The following MIS18A variants were observed in gnomAD, a reference collection of about 807,000 sequenced individuals.
The protein encoded by MIS18A is protein Mis18-alpha.
In MIS18A, 14 loss-of-function variants were observed where a neutral mutation model predicts 25.0. The observed-to-expected ratio is 0.56, with a 90% CI of 0.37 to 0.88. The LOEUF (loss-of-function observed/expected upper bound fraction) is 0.88, where lower values mean the gene tolerates loss of function less well. Ranked by LOEUF, MIS18A falls within the 40% of genes least tolerant of loss-of-function variation. The probability of loss-of-function intolerance (pLI) is 0.00; values close to 1 mark genes in which losing one functional copy is unlikely to be tolerated. For synonymous variants in MIS18A, 134 were observed against 118.6 expected, an observed-to-expected ratio of 1.13 and a Z score of -0.84; for missense variants, 292 against 290.8, an observed-to-expected ratio of 1.00 and a Z score of -0.03.
the MIS18A span, among the ~76,000 whole-genome samples, chr21:32,159,474 T>C: frequency 6.6e-6 from 1 of 152,272 alleles, no homozygotes; most frequent in Non-Finnish European, 1.5e-5. Flanking sequence ...AAAATCATTT[T>C]GTCTTGGTCT....
At chr21:32,214,305 G>T in the MIS18A span, among the ~76,000 whole-genome samples, 3 of 152,174 alleles carry the variant, frequency 2.0e-5, no homozygotes, top group East Asian at 5.8e-4. Context: ...CTTGGCAGTT[G>T]GTGGGGTCTC....
chr21:32,172,565 C>A, the MIS18A span, among the ~76,000 whole-genome samples: 2 of 145,802 alleles, frequency 1.4e-5, no homozygotes, highest in African/African-American at 5.1e-5. Flanking sequence ...ATCCCAGATG[C>A]GTTTTTTTTC....
the MIS18A span, among the ~76,000 whole-genome samples, chr21:32,179,697 A>T: frequency 1.3e-5 from 2 of 152,242 alleles, no homozygotes; most frequent in Non-Finnish European, 2.9e-5. Context: ...ATTTTATTGA[A>T]AAGGAAATAC....
the MIS18A span, among the ~76,000 whole-genome samples, chr21:32,181,958 G>A: frequency 6.6e-6 from 1 of 152,124 alleles, no homozygotes; most frequent in Non-Finnish European, 1.5e-5. Flanking sequence ...TGTAAAATGA[G>A]AATATTCATA....
At chr21:32,247,277 G>GGT in the MIS18A span, among the ~76,000 whole-genome samples, 20 of 152,164 alleles carry the variant, frequency 1.3e-4, no homozygotes, top group Admixed American at 1.3e-3. Context: ...GGAGTCTCAA[G>GGT]TCTACACTCA....
intron 1 of MIS18A, among the ~76,000 whole-genome samples, chr21:32,275,681 G>T (rs1315510343): frequency 6.6e-6 from 1 of 152,088 alleles, no homozygotes; most frequent in East Asian, 1.9e-4. Flanking sequence ...TGATTTCACG[G>T]CCTCCTACAG....
chr21:32,169,493 T>A, the MIS18A span, among the ~76,000 whole-genome samples: 11 of 152,110 alleles, frequency 7.2e-5, no homozygotes, highest in Admixed American at 7.2e-4. Context: ...GAAAACGAGA[T>A]GTCCATAGGG....
the MIS18A span, among the ~76,000 whole-genome samples, chr21:32,194,063 A>G: frequency 6.6e-6 from 1 of 152,158 alleles, no homozygotes; most frequent in East Asian, 1.9e-4. Context: ...TTCTGAAATG[A>G]TGAGGCTGTG....
At chr21:32,221,053 T>C in the MIS18A span, among the ~76,000 whole-genome samples, 8 of 152,160 alleles carry the variant, frequency 5.3e-5, no homozygotes, top group South Asian at 1.4e-3. Context: ...TTGGAAAACA[T>C]ACTTCAGGAA....
chr21:32,228,617 C>T, the MIS18A span, among the ~76,000 whole-genome samples: 3 of 152,170 alleles, frequency 2.0e-5, no homozygotes, highest in South Asian at 4.1e-4. Flanking sequence ...TACACACACA[C>T]ATGCACACAC....
At chr21:32,167,316 G>A in the MIS18A span, among the ~76,000 whole-genome samples, 1 of 152,042 alleles carries the variant, frequency 6.6e-6, no homozygotes, top group Non-Finnish European at 1.5e-5. Context: ...CTAGAGAATA[G>A]ACTTACAGGT....
At chr21:32,238,094 C>T in the MIS18A span, among the ~76,000 whole-genome samples, 1 of 152,200 alleles carries the variant, frequency 6.6e-6, no homozygotes, top group African/African-American at 2.4e-5. Flanking sequence ...ATGGCAGTGT[C>T]TCCACACTCA....
At chr21:32,193,290 T>C in the MIS18A span, among the ~76,000 whole-genome samples, 1 of 152,154 alleles carries the variant, frequency 6.6e-6, no homozygotes, top group Non-Finnish European at 1.5e-5. Flanking sequence ...TAAGAGTTCA[T>C]GGACAAAGGA....
the MIS18A span, among the ~76,000 whole-genome samples, chr21:32,160,656 T>C: frequency 6.6e-6 from 1 of 152,026 alleles, no homozygotes; most frequent in African/African-American, 2.4e-5. Flanking sequence ...ATTCTTTTTT[T>C]TTTTTTTAAG....
the MIS18A span, among the ~76,000 whole-genome samples, chr21:32,220,290 A>T: frequency 6.6e-6 from 1 of 152,204 alleles, no homozygotes; most frequent in African/African-American, 2.4e-5. Context: ...AGCAAGCAGC[A>T]ATCTTTGCTG....
the MIS18A span, among the ~76,000 whole-genome samples, chr21:32,180,357 C>A: frequency 6.6e-6 from 1 of 152,172 alleles, no homozygotes; most frequent in East Asian, 1.9e-4. Flanking sequence ...TGCTGCCAGA[C>A]CCCATTATGC....
At chr21:32,250,801 G>A in the MIS18A span, among the ~76,000 whole-genome samples, 1 of 152,338 alleles carries the variant, frequency 6.6e-6, no homozygotes, top group East Asian at 1.9e-4. Context: ...CAGAGGGGAA[G>A]GAGGGCTTTT....
the MIS18A span, among the ~76,000 whole-genome samples, chr21:32,198,877 G>A: frequency 1.1e-4 from 17 of 151,822 alleles, no homozygotes; most frequent in Admixed American, 2.6e-4. Flanking sequence ...GGTATGGCAT[G>A]GGCCTGGGCA....
the MIS18A span, among the ~76,000 whole-genome samples, chr21:32,258,487 T>C: frequency 6.6e-6 from 1 of 152,128 alleles, no homozygotes; most frequent in Admixed American, 6.5e-5. Context: ...ACTGTGGTTG[T>C]GAACAGGCTG....
Sources: gnomAD v4.1 joint callset for allele counts (sites outside exome capture counted in the v4.1 genomes callset) on GRCh38, gnomAD v4.1.1 for gene constraint, MANE v1.5 for transcripts, NCBI Gene and HGNC (gene_info 2026-07-23, HGNC 2026-07-21) for gene names.